TTC29: variants seen among roughly 807,000 people sequenced by gnomAD.
TTC29 encodes tetratricopeptide repeat domain 29.
TTC29 carries 49 observed loss-of-function variants against 58.1 expected under a neutral mutation model. The observed-to-expected ratio is 0.84, with a 90% CI of 0.67 to 1.07. The LOEUF is 1.07. Ranked by LOEUF, TTC29 falls within the 50% of genes least tolerant of loss-of-function variation. TTC29 has a pLI of 0.00. For missense variants in TTC29, 582 were observed against 555.6 expected (o/e 1.05, Z -0.48); for synonymous variants, 209 against 196.8 (o/e 1.06, Z -0.52).
intron 4 of TTC29, among the ~76,000 whole-genome samples, 172 bp downstream of exon 4, chr4:146,937,422 G>A (rs1735929272): frequency 1.3e-5 from 2 of 151,960 alleles, no homozygotes; most frequent in Admixed American, 6.6e-5. Flanking sequence ...TAAAGACTTT[G>A]ATATGTGTGA....
chr4:146,837,792 A>G (rs1728607825), intron 8 of TTC29, among the ~76,000 whole-genome samples: 1 of 152,066 alleles, frequency 6.6e-6, no homozygotes, highest in Non-Finnish European at 1.5e-5. Flanking sequence ...AGGCAAACAA[A>G]GGATCTCCAG....
At chr4:146,857,975 T>C (rs889989664) in intron 8 of TTC29, among the ~76,000 whole-genome samples, 1 of 152,158 alleles carries the variant, frequency 6.6e-6, no homozygotes, top group Admixed American at 6.5e-5. Context: ...AATAGTAAAT[T>C]ACAATTAAGA....
At chr4:146,862,949 C>T (rs150686619) in intron 8 of TTC29, among the ~76,000 whole-genome samples, 58 of 151,940 alleles carry the variant, frequency 3.8e-4, no homozygotes, top group African/African-American at 1.2e-3. Flanking sequence ...GGTGAAACCC[C>T]GTCTGTACTA....
intron 6 of TTC29, among the ~76,000 whole-genome samples, chr4:146,899,221 C>T (rs1732974012): frequency 6.6e-6 from 1 of 152,188 alleles, no homozygotes; most frequent in Admixed American, 6.5e-5. Context: ...ACTCATCTTG[C>T]TATTGTTCCC....
At chr4:146,920,714 T>A (rs890407147) in intron 4 of TTC29, among the ~76,000 whole-genome samples, 2 of 151,204 alleles carry the variant, frequency 1.3e-5, no homozygotes, top group South Asian at 4.2e-4. Context: ...TGATAAAATT[T>A]TTAAAAAGAA....
chr4:146,909,159 C>T lies in TTC29; in HGVS notation c.267G>A (p.Glu89=), dbSNP rs995884699. 17 of 1,613,726 alleles carry T rather than the reference C, an allele frequency of 1.1e-5. 1 individual carries two copies. Among genetic ancestry groups the T allele is most frequent in the South Asian group, 2.2e-5 (2 of 91,086 alleles). The change falls in exon 5 of 13, where the codon GAG becomes GAA. Residue 89 remains glutamate (E), a synonymous_variant. Transcript: ENST00000325106. ...CAGCCTCCCTCAGGGCATCCCACCG[C>T]TCCATCAGAGCGAAGAGCTCGGTGA... The part of the protein sequence containing the change: ...KSFTELFALM[E]RWDALREAAR...
intron 4 of TTC29, among the ~76,000 whole-genome samples, chr4:146,925,554 T>A (rs917253279): frequency 1.3e-5 from 2 of 152,308 alleles, no homozygotes; most frequent in Admixed American, 6.5e-5. Context: ...TTTGTACTTC[T>A]GTGTGGCCAT....
At chr4:146,827,001 T>G (rs796404035) in intron 9 of TTC29, among the ~76,000 whole-genome samples, 4 of 151,892 alleles carry the variant, frequency 2.6e-5, no homozygotes, top group African/African-American at 9.6e-5. Flanking sequence ...GGAATTCCTC[T>G]AACCTTTTAT....
At chr4:146,793,653 C>CT (rs1350038969) in intron 11 of TTC29, among the ~76,000 whole-genome samples, 2 of 152,056 alleles carry the variant, frequency 1.3e-5, no homozygotes, top group Non-Finnish European at 2.9e-5. Context: ...ATATTTTTCT[C>CT]TTTTCCTTCA....
rs1560750099 is a variant in TTC29 at position 146,945,800 on chromosome 4, C to G, written c.-145G>C. 6.6e-6 allele frequency: 1 copy of G among 152,512 alleles called. No individual in the cohort carries two copies. The allele number at this position is 152,512 out of a possible 1,614,324, so 9.4% of individuals were successfully genotyped here. A position where few individuals can be genotyped will look rare whatever the true frequency, so the allele number is the denominator to read the frequency against. ...GGCAGGTGCTGGGCGTTGGCGCTGC[C>G]CCCTCCTCTCTCAGTGATTCCGAAG... On this transcript the variant is annotated 5_prime_UTR_variant, in exon 1 of 13. Transcript: ENST00000325106.
chr4:146,749,807 C>A (rs1204840895), intron 11 of TTC29, among the ~76,000 whole-genome samples: 1 of 152,140 alleles, frequency 6.6e-6, no homozygotes, highest in African/African-American at 2.4e-5. Flanking sequence ...AACATCAAGT[C>A]ATATATGAGG....
chr4:146,721,806 C>A (rs1743380123), intron 11 of TTC29, among the ~76,000 whole-genome samples: 1 of 152,002 alleles, frequency 6.6e-6, no homozygotes. Context: ...GGAAGTCCTA[C>A]CCAGAGCAAT....
chr4:146,860,136 A>AT (rs1730132130), intron 8 of TTC29, among the ~76,000 whole-genome samples: 1 of 152,178 alleles, frequency 6.6e-6, no homozygotes, highest in Non-Finnish European at 1.5e-5. Context: ...GCCCACTGCT[A>AT]TAAACAATGG....
At chr4:146,816,980 A>C (rs1751453521) in intron 10 of TTC29, among the ~76,000 whole-genome samples, 3 of 152,272 alleles carry the variant, frequency 2.0e-5, no homozygotes, top group Admixed American at 2.0e-4. Context: ...TGATACCACT[A>C]AGGGTGTAGA....
rs368660412 is a variant in TTC29 at position 146,856,783 on chromosome 4, A to T, written c.885+10715T>A. On this transcript the variant is annotated intron_variant, in intron 8 of 12. Transcript: ENST00000325106. ...AGAGCTACTCCTTATTGATGAGGAA[A>T]TGAAAAAAAATTCAATTTACTAAGA... is the stretch of plus-strand genomic sequence containing the variant. Among the ~76,000 whole-genome samples the T allele has an allele frequency of 2.6e-4, 40 of 151,538 alleles. No individual in the cohort carries two copies. The East Asian group carries it at 6.4e-3, about 24-fold the overall frequency.
At chr4:146,737,482 G>C (rs1256386568) in intron 11 of TTC29, among the ~76,000 whole-genome samples, 1 of 149,694 alleles carries the variant, frequency 6.7e-6, no homozygotes, top group African/African-American at 2.4e-5. Context: ...AGTAAGAACT[G>C]TTCTGATTCC....
At chr4:146,867,133 A>C (rs913634209) in intron 8 of TTC29, among the ~76,000 whole-genome samples, 15 of 152,120 alleles carry the variant, frequency 9.9e-5, no homozygotes, top group Non-Finnish European at 1.8e-4. Flanking sequence ...AAATTTCCCA[A>C]ATCATATTAT....
chr4:146,762,227 T>C (rs1217719417), intron 11 of TTC29, among the ~76,000 whole-genome samples: 1 of 151,994 alleles, frequency 6.6e-6, no homozygotes, highest in Non-Finnish European at 1.5e-5. Context: ...GCCAAACTTG[T>C]GTGTCAGGCT....
chr4:146,854,918 C>A (rs912004710), intron 8 of TTC29, among the ~76,000 whole-genome samples: 1 of 152,150 alleles, frequency 6.6e-6, no homozygotes, highest in Non-Finnish European at 1.5e-5. Flanking sequence ...GTTCAGGTGC[C>A]AAATGCCATT....
Sources: gnomAD v4.1 joint callset for allele counts (sites outside exome capture counted in the v4.1 genomes callset) on GRCh38, gnomAD v4.1.1 for gene constraint, MANE v1.5 for transcripts, NCBI Gene and HGNC (gene_info 2026-07-23, HGNC 2026-07-21) for gene names.